The following MAP3K4 variants were observed in gnomAD, a reference collection of about 807,000 sequenced individuals.
MAP3K4 encodes MAP three kinase 1.
MAP3K4 carries 67 observed loss-of-function variants against 185.6 expected under a neutral mutation model. The ratio of observed to expected loss-of-function variants is 0.36; its 90% CI spans 0.30 to 0.44. MAP3K4 has a LOEUF of 0.44. Among genes scored for constraint, MAP3K4 ranks in the 20% least tolerant of loss-of-function variants. The pLI is 1.00. For synonymous variants in MAP3K4, 702 were observed against 710.4 expected (o/e 0.99, Z 0.19); for missense variants, 1,551 against 1,995.1 (o/e 0.78, Z 4.24).
At position 161,109,273 on chromosome 6, in the gene MAP3K4, CCTT is replaced by C. The variant is rs758928536; in HGVS notation, c.4236+415_4236+417del. On this transcript the variant is annotated intron_variant, in intron 22 of 26. Coordinates refer to ENST00000392142, the MANE Select transcript of MAP3K4 (RefSeq NM_005922.4). This position sits in a 1 kb window ranked among gnomAD's most constrained non-coding sequence, Gnocchi z 5.7. ...ATTCAAACCTCAAATTGAGTTTCCTCCTTGTGTTTAGAAATAAACACGTCGAGG... is the reference window on the plus strand; with the variant it reads ...ATTCAAACCTCAAATTGAGTTTCCTCGTGTTTAGAAATAAACACGTCGAGG... 5.9e-5 allele frequency among the ~76,000 whole-genome samples: 9 copies of C among 152,098 alleles called. No individual in the cohort carries two copies. Among genetic ancestry groups the C allele is most frequent in the South Asian group, 2.1e-4 (1 of 4,816 alleles).
Position 161,097,151 on chromosome 6 carries a change from A to T in MAP3K4, c.3499A>T (p.Ile1167Phe). Residue 1167 changes from isoleucine (I) to phenylalanine (F), a missense_variant, in exon 16 of 27, where the codon ATT becomes TTT. Transcript: ENST00000392142. The surrounding 1 kb of genome is among the most constrained non-coding windows in gnomAD (Gnocchi z 4.9). ...CHSDPPNPHL[I>F]IPTPEGFSTR... ...TAGTGACCCTCCTAACCCACACCTC[A>T]TTATCCCCACTCCAGAGGGATTCAG... 6.2e-7 allele frequency: 1 copy of T among 1,613,994 alleles called. No individual in the cohort carries two copies. The highest frequency in any genetic ancestry group is 8.5e-7 in the Non-Finnish European group (1 of 1,179,966).
intron 2 of MAP3K4, among the ~76,000 whole-genome samples, chr6:161,047,898 C>T (rs898700640): frequency 1.3e-5 from 2 of 152,120 alleles, no homozygotes; most frequent in African/African-American, 4.8e-5. Context: ...GCTTTTTTCG[C>T]ATTAATTGTA....
At position 161,043,309 on chromosome 6, in the gene MAP3K4, C is replaced by T. The variant is rs933770782; in HGVS notation, c.344-5307C>T. Among the ~76,000 whole-genome samples the T allele has an allele frequency of 6.6e-6, 1 of 152,204 alleles. No individual in the cohort carries two copies. On this transcript the variant is annotated intron_variant, in intron 2 of 26. Transcript: ENST00000392142. This position sits in a 1 kb window ranked among gnomAD's most constrained non-coding sequence, Gnocchi z 4.3. ...CTCTTCTTTGCTGGCTTCAGATATGCTCTTGCCTTCTTTACTTCCCTTATT... is the reference window on the plus strand; with the variant it reads ...CTCTTCTTTGCTGGCTTCAGATATGTTCTTGCCTTCTTTACTTCCCTTATT...
chr6:161,050,099 T>C, intron 3 of MAP3K4, 120 bp downstream of exon 3: 3 of 979,826 alleles, frequency 3.1e-6, no homozygotes, highest in Admixed American at 5.3e-5. Flanking sequence ...ATGGCAGTTA[T>C]AAATTGCACA....
At position 161,008,623 on chromosome 6, in the gene MAP3K4, T is replaced by C. The variant is rs1233187732; in HGVS notation, c.152+16540T>C. On this transcript the variant is annotated intron_variant, in intron 1 of 26. Transcript: ENST00000392142. This position sits in a 1 kb window ranked among gnomAD's most constrained non-coding sequence, Gnocchi z 4.1. ...GTTGTATAATTTAACAAAGACATAC[T>C]TGTGTATATTACATGTGTAGCTTGA... 1.3e-5 allele frequency among the ~76,000 whole-genome samples: 2 copies of C among 152,230 alleles called. No individual in the cohort carries two copies. The highest frequency in any genetic ancestry group is 3.8e-4 in the East Asian group (2 of 5,202).
In MAP3K4 at chr6:161,048,417, G is replaced by T. The variant is rs1330963637; in HGVS notation, c.344-199G>T. ...AGAATACAGCAAATACTGGAAAAAT[G>T]GATAATTTTTTTTAAAATATAGAAA... On this transcript the variant is annotated intron_variant, in intron 2 of 26. Transcript: ENST00000392142. This position sits in a 1 kb window ranked among gnomAD's most constrained non-coding sequence, Gnocchi z 4.7. The T allele has an allele frequency of 2.1e-5, 13 of 610,546 alleles. No homozygotes were observed. Among genetic ancestry groups the T allele is most frequent in the Non-Finnish European group, 3.2e-5 (11 of 345,006 alleles). The allele number at this position is 610,546 out of a possible 1,614,324, so 37.8% of individuals were successfully genotyped here. A position where few individuals can be genotyped will look rare whatever the true frequency, so the allele number is the denominator to read the frequency against.
chr6:161,069,802 G>T (rs925923059), intron 3 of MAP3K4, among the ~76,000 whole-genome samples: 1 of 152,024 alleles, frequency 6.6e-6, no homozygotes, highest in African/African-American at 2.4e-5. Context: ...GATGGGGAGG[G>T]GAGAAATAGC....
intron 1 of MAP3K4, among the ~76,000 whole-genome samples, chr6:161,016,652 C>T (rs1782128062): frequency 6.6e-6 from 1 of 152,186 alleles, no homozygotes; most frequent in Non-Finnish European, 1.5e-5. Context: ...TGACCCTAGA[C>T]ATACGAGTTT....
At chr6:161,026,962 T>C (rs974473254) in intron 1 of MAP3K4, among the ~76,000 whole-genome samples, 3 of 152,122 alleles carry the variant, frequency 2.0e-5, no homozygotes, top group Non-Finnish European at 2.9e-5. Flanking sequence ...TCTCTTTATA[T>C]ATATTTGTTT....
rs1454426261 is a variant in MAP3K4, at chr6:161,043,953, A to G, written c.344-4663A>G. ...CAAGAGTTTGATTAAAAATACAATTAATACATATTCTAAAGAGCCATTTTT... is the reference window on the plus strand; with the variant it reads ...CAAGAGTTTGATTAAAAATACAATTGATACATATTCTAAAGAGCCATTTTT... On this transcript the variant is annotated intron_variant, in intron 2 of 26. Transcript: ENST00000392142. The surrounding 1 kb of genome is among the most constrained non-coding windows in gnomAD (Gnocchi z 4.3). Among the ~76,000 whole-genome samples the G allele has an allele frequency of 6.6e-6, 1 of 152,246 alleles. No individual in the cohort carries two copies. The highest frequency in any genetic ancestry group is 1.5e-5 in the Non-Finnish European group (1 of 68,044).
Position 161,074,593 on chromosome 6 carries a change from C to T in MAP3K4, c.2097+981C>T, listed in dbSNP as rs1785088377. On this transcript the variant is annotated intron_variant, in intron 5 of 26. Coordinates refer to ENST00000392142, the MANE Select transcript of MAP3K4 (RefSeq NM_005922.4). The surrounding 1 kb of genome is among the most constrained non-coding windows in gnomAD (Gnocchi z 5.0). ...TAATTAGACTGAAAGCTTCATGAGC[C>T]AAGGGCTATAACTTGAAATTCTCTT... Among the ~76,000 whole-genome samples, 1 of 152,186 alleles carries T rather than the reference C, an allele frequency of 6.6e-6. No individual in the cohort carries two copies. Among genetic ancestry groups the T allele is most frequent in the South Asian group, 2.1e-4 (1 of 4,828 alleles).
rs138316164 is a variant in MAP3K4 at position 161,095,893 on chromosome 6, A to G, written c.3428-1187A>G. On this transcript the variant is annotated intron_variant, in intron 15 of 26. Coordinates refer to ENST00000392142, the MANE Select transcript of MAP3K4 (RefSeq NM_005922.4). ...TTAAAATAATTGTTTTGTTTCATGC[A>G]AAACATGTGCACATGGTTTTTTAAA... 6.8e-4 allele frequency among the ~76,000 whole-genome samples: 104 copies of G among 152,358 alleles called. No homozygotes were observed. In the East Asian group the frequency reaches 0.017, roughly 25 times the overall value.
chr6:161,092,913 C>T (rs1490703331), intron 13 of MAP3K4, 65 bp from the exon 14 acceptor site: 2 of 914,458 alleles, frequency 2.2e-6, no homozygotes, highest in Non-Finnish European at 1.8e-6. Flanking sequence ...CAGTATTGTA[C>T]AGTCTAAAAC....
chr6:161,107,075 CACACGCAGAA>C lies in MAP3K4; in HGVS notation c.4048+371_4048+380del, dbSNP rs1408700639. ...GCACACACACACACACACACACACA[CACACGCAGAA>C]CGTGATTTGAAGAGAGACTGGATAC... On this transcript the variant is annotated intron_variant, in intron 20 of 26. Transcript: ENST00000392142. This position sits in a 1 kb window ranked among gnomAD's most constrained non-coding sequence, Gnocchi z 6.2. Among the ~76,000 whole-genome samples, 86 of 151,288 alleles carry C rather than the reference CACACGCAGAA, an allele frequency of 5.7e-4. No homozygotes were observed. The highest frequency in any genetic ancestry group is 2.0e-3 in the African/African-American group (83 of 40,658).
Position 161,070,556 on chromosome 6 carries a change from A to G in MAP3K4, c.1708-52A>G. 1.9e-6 allele frequency: 3 copies of G among 1,552,604 alleles called. No homozygotes were observed. The highest frequency in any genetic ancestry group is 2.6e-6 in the Non-Finnish European group (3 of 1,141,710). On this transcript the variant is annotated intron_variant, in intron 3 of 26. Coordinates refer to ENST00000392142, the MANE Select transcript of MAP3K4 (RefSeq NM_005922.4). This position sits in a 1 kb window ranked among gnomAD's most constrained non-coding sequence, Gnocchi z 4.5. Reference sequence around the variant, plus strand: ...TAAGAGTTTATAACCACAACCGTAGAACGTTGTCTCGTATGCTCTTTTAAT... The same window carrying G: ...TAAGAGTTTATAACCACAACCGTAGGACGTTGTCTCGTATGCTCTTTTAAT...
intron 1 of MAP3K4, among the ~76,000 whole-genome samples, chr6:160,992,995 A>G (rs1364242130): frequency 6.6e-6 from 1 of 152,080 alleles, no homozygotes; most frequent in Admixed American, 6.6e-5. Context: ...TCCTCTTGGC[A>G]TCTTATGGTC....
chr6:161,084,196 G>C lies in MAP3K4; in HGVS notation c.2256-305G>C, dbSNP rs1785589175. ...ATCATTTAGTTTGAGGCCATTTTAT[G>C]GAAAATTTCCATTTAGATGGAAATA... On this transcript the variant is annotated intron_variant, in intron 6 of 26. Transcript: ENST00000392142. The surrounding 1 kb of genome is among the most constrained non-coding windows in gnomAD (Gnocchi z 4.6). Among the ~76,000 whole-genome samples the C allele has an allele frequency of 6.6e-6, 1 of 152,078 alleles. No homozygotes were observed.
At position 161,063,674 on chromosome 6, in the gene MAP3K4, G is replaced by A; in HGVS notation, c.1708-6934G>A. ...GCCGAGAATTCCTGGAAGGGAATTT[G>A]GGGTACTAGTTTTAAGATATTATGG... On this transcript the variant is annotated intron_variant, in intron 3 of 26. Coordinates refer to ENST00000392142, the MANE Select transcript of MAP3K4 (RefSeq NM_005922.4). This position sits in a 1 kb window ranked among gnomAD's most constrained non-coding sequence, Gnocchi z 5.4. Among the ~76,000 whole-genome samples the A allele has an allele frequency of 6.6e-6, 1 of 152,198 alleles. No homozygotes were observed. The highest frequency in any genetic ancestry group is 1.9e-4 in the East Asian group (1 of 5,172).
chr6:161,094,566 A>G (rs1777487665), intron 15 of MAP3K4, among the ~76,000 whole-genome samples: 1 of 152,230 alleles, frequency 6.6e-6, no homozygotes, highest in Non-Finnish European at 1.5e-5. Flanking sequence ...AACACCCAAG[A>G]AAGAAACTTA....
Sources: gnomAD v4.1 joint callset for allele counts (sites outside exome capture counted in the v4.1 genomes callset) on GRCh38, gnomAD v4.1.1 for gene constraint, Gnocchi (gnomAD v3.1) non-coding constraint, MANE v1.5 for transcripts, NCBI Gene and HGNC (gene_info 2026-07-23, HGNC 2026-07-21) for gene names.